The following CHCHD3 variants were observed in gnomAD, a reference collection of about 807,000 sequenced individuals.
CHCHD3 encodes MICOS complex subunit MIC19.
A neutral mutation model predicts 38.2 loss-of-function variants in CHCHD3; 20 were observed. The ratio of observed to expected loss-of-function variants is 0.52; its 90% CI spans 0.37 to 0.76. The LOEUF is 0.76. Ranked by LOEUF, CHCHD3 falls within the 30% of genes least tolerant of loss-of-function variation. The probability of loss-of-function intolerance (pLI) is 0.00; values close to 1 mark genes in which losing one functional copy is unlikely to be tolerated. For synonymous variants in CHCHD3, 82 were observed against 100.0 expected, an observed-to-expected ratio of 0.82 and a Z score of 1.07; for missense variants, 245 against 279.2, an observed-to-expected ratio of 0.88 and a Z score of 0.87.
intron 3 of CHCHD3, among the ~76,000 whole-genome samples, chr7:133,022,095 AC>A (rs1813194303): frequency 2.6e-5 from 4 of 152,164 alleles, no homozygotes; most frequent in African/African-American, 2.4e-5. Flanking sequence ...TCAAAAAAAA[AC>A]AAAAAACAAA....
At chr7:133,016,828 T>C (rs1213122151) in intron 3 of CHCHD3, among the ~76,000 whole-genome samples, 1 of 152,178 alleles carries the variant, frequency 6.6e-6, no homozygotes, top group African/African-American at 2.4e-5. Flanking sequence ...AACAGATGGC[T>C]TCCAGAAGGC....
At chr7:132,947,522 ACT>A (rs1810928013) in intron 4 of CHCHD3, among the ~76,000 whole-genome samples, 1 of 152,006 alleles carries the variant, frequency 6.6e-6, no homozygotes, top group South Asian at 2.1e-4. Context: ...AATGAAAACC[ACT>A]GTTTTTCTAA....
At chr7:133,008,591 AT>A (rs2117405837) in intron 3 of CHCHD3, among the ~76,000 whole-genome samples, 1 of 152,302 alleles carries the variant, frequency 6.6e-6, no homozygotes, top group South Asian at 2.1e-4. Flanking sequence ...ATACATACAT[AT>A]ATAACATTAG....
chr7:132,897,737 C>G (rs768108974), intron 4 of CHCHD3, among the ~76,000 whole-genome samples: 49 of 152,190 alleles, frequency 3.2e-4, no homozygotes, highest in Non-Finnish European at 2.9e-4. Flanking sequence ...TTTCTGCAAC[C>G]ATTATTGCAC....
chr7:132,802,624 A>T (rs1165255681), intron 6 of CHCHD3, among the ~76,000 whole-genome samples: 1 of 152,104 alleles, frequency 6.6e-6, no homozygotes, highest in Non-Finnish European at 1.5e-5. Context: ...TTTACTTTCC[A>T]CCATATCTTG....
intron 4 of CHCHD3, among the ~76,000 whole-genome samples, chr7:132,890,925 G>A (rs1226581062): frequency 6.6e-6 from 1 of 152,152 alleles, no homozygotes; most frequent in African/African-American, 2.4e-5. Flanking sequence ...GAGCAAATAA[G>A]AGTAGGAAAA....
At position 133,052,296 on chromosome 7, in the gene CHCHD3, G is replaced by A. The variant is rs752281761; in HGVS notation, c.169+17846C>T. Among the ~76,000 whole-genome samples, 13 of 152,258 alleles carry A rather than the reference G, an allele frequency of 8.5e-5. No homozygotes were observed. In the South Asian group the frequency reaches 2.7e-3, roughly 32 times the overall value. ...CAGCATCAAAGTATTTCCATGTGCA[G>A]GTACTAAATCCTCCCTCCCTCCTAC... On this transcript the variant is annotated intron_variant, in intron 2 of 7. Transcript: ENST00000262570.
At chr7:132,953,504 G>C (rs1811083227) in intron 4 of CHCHD3, among the ~76,000 whole-genome samples, 1 of 152,120 alleles carries the variant, frequency 6.6e-6, no homozygotes, top group South Asian at 2.1e-4. Context: ...TGGACTACTG[G>C]ACAACTCAAA....
intron 4 of CHCHD3, among the ~76,000 whole-genome samples, chr7:132,926,605 T>C (rs1490621941): frequency 1.3e-5 from 2 of 152,184 alleles, no homozygotes; most frequent in South Asian, 2.1e-4. Flanking sequence ...TTTTGATATA[T>C]AGTCATCCCC....
intron 5 of CHCHD3, among the ~76,000 whole-genome samples, chr7:132,849,976 CTATTT>C (rs10569122): frequency 0.049 from 7,506 of 152,206 alleles, 532 homozygotes; most frequent in East Asian, 0.21. Flanking sequence ...GTCAGCCATT[CTATTT>C]TTATGATAGA....
intron 4 of CHCHD3, among the ~76,000 whole-genome samples, chr7:132,897,047 C>T (rs895850579): frequency 1.3e-5 from 2 of 152,222 alleles, no homozygotes; most frequent in African/African-American, 4.8e-5. Flanking sequence ...CTCTAAACCA[C>T]AGCTGTTGTG....
In CHCHD3 at chr7:132,901,682, T is replaced by C. The variant is rs145264425; in HGVS notation, c.370-15937A>G. Among the ~76,000 whole-genome samples the C allele has an allele frequency of 6.6e-3, 1,003 of 152,306 alleles. 11 individuals carry two copies. The highest frequency in any genetic ancestry group is 0.022 in the African/African-American group (931 of 41,562). On this transcript the variant is annotated intron_variant, in intron 4 of 7. Coordinates refer to ENST00000262570, the MANE Select transcript of CHCHD3 (RefSeq NM_017812.4). ...GGGTTGATTGTTTTTTTCTTGTAAA[T>C]TTGTTTGAGTTCATTGTAGATTCTG...
At chr7:132,853,522 T>C (rs1808268799) in intron 5 of CHCHD3, among the ~76,000 whole-genome samples, 1 of 152,132 alleles carries the variant, frequency 6.6e-6, no homozygotes, top group Non-Finnish European at 1.5e-5. Context: ...CTTGGGAGGC[T>C]GAGGCTGGAG....
intron 3 of CHCHD3, among the ~76,000 whole-genome samples, chr7:132,984,819 C>A (rs1482939659): frequency 7.3e-6 from 1 of 136,234 alleles, no homozygotes; most frequent in Admixed American, 7.3e-5. Flanking sequence ...AGGAGCGTCT[C>A]CGCCCGGCAG....
At chr7:133,049,866 A>G (rs748898355) in intron 2 of CHCHD3, among the ~76,000 whole-genome samples, 1 of 152,254 alleles carries the variant, frequency 6.6e-6, no homozygotes. Context: ...ACCTCTGAAC[A>G]ATGACTCCTT....
At chr7:132,910,694 G>A (rs894447869) in intron 4 of CHCHD3, among the ~76,000 whole-genome samples, 4 of 152,116 alleles carry the variant, frequency 2.6e-5, no homozygotes, top group Admixed American at 6.5e-5. Context: ...ACAGCAGCAC[G>A]TTACAGATCA....
At chr7:132,998,954 A>C (rs1812494798) in intron 3 of CHCHD3, among the ~76,000 whole-genome samples, 1 of 152,186 alleles carries the variant, frequency 6.6e-6, no homozygotes, top group South Asian at 2.1e-4. Flanking sequence ...CCAAAATCAC[A>C]GTGCTCTGAA....
At chr7:132,986,212 CG>C (rs1812115483) in intron 3 of CHCHD3, among the ~76,000 whole-genome samples, 2 of 148,662 alleles carry the variant, frequency 1.3e-5, no homozygotes, top group Non-Finnish European at 3.0e-5. Context: ...GCAGCATGCT[CG>C]TTAAGAGTCA....
chr7:132,912,164 T>C (rs1013167333), intron 4 of CHCHD3, among the ~76,000 whole-genome samples: 20 of 152,248 alleles, frequency 1.3e-4, no homozygotes, highest in African/African-American at 4.8e-4. Flanking sequence ...TGCTATTCAC[T>C]TGATATTTTT....
Sources: allele counts gnomAD v4.1 joint callset (sites outside exome capture counted in the v4.1 genomes callset), GRCh38; gene constraint gnomAD v4.1.1; transcripts MANE v1.5; gene names NCBI Gene and HGNC (gene_info 2026-07-23, HGNC 2026-07-21).